ARMC2: variants seen among roughly 807,000 people sequenced by gnomAD.
The protein encoded by ARMC2 is armadillo repeat-containing protein 2.
A neutral mutation model predicts 90.3 loss-of-function variants in ARMC2; 67 were observed. That is an observed-to-expected ratio of 0.74 (90% CI 0.61 to 0.91). The LOEUF (loss-of-function observed/expected upper bound fraction) is 0.91, where lower values mean the gene tolerates loss of function less well. Among genes scored for constraint, ARMC2 ranks in the 40% least tolerant of loss-of-function variants. The pLI is 0.00. For missense variants in ARMC2, 920 were observed against 1,030.9 expected (o/e 0.89, Z 1.47); for synonymous variants, 393 against 393.0 (o/e 1.00, Z 0.00).
At chr6:108,941,334 ACC>A (rs1317779624) in intron 12 of ARMC2, among the ~76,000 whole-genome samples, 1 of 152,106 alleles carries the variant, frequency 6.6e-6, no homozygotes, top group Non-Finnish European at 1.5e-5. Context: ...CATAGCTGAT[ACC>A]CCCAGCTAGT....
At chr6:108,915,145 A>G (rs1207417217) in intron 10 of ARMC2, among the ~76,000 whole-genome samples, 2 of 151,940 alleles carry the variant, frequency 1.3e-5, no homozygotes, top group African/African-American at 4.8e-5. Context: ...TAGTAGAGAC[A>G]GGGTTTCACC....
chr6:109,012,610 T>C, the ARMC2 span, among the ~76,000 whole-genome samples: 5 of 152,176 alleles, frequency 3.3e-5, no homozygotes, highest in Admixed American at 3.3e-4. Context: ...AAAAGACACC[T>C]GAGCTACAGC....
intron 11 of ARMC2, among the ~76,000 whole-genome samples, chr6:108,929,683 A>T (rs1397114124): frequency 6.6e-6 from 1 of 152,098 alleles, no homozygotes; most frequent in East Asian, 1.9e-4. Context: ...AAGTCTTGCT[A>T]TGTTGCCCCG....
chr6:108,859,319 G>A (rs951275777), intron 3 of ARMC2, among the ~76,000 whole-genome samples: 1 of 151,966 alleles, frequency 6.6e-6, no homozygotes, highest in Non-Finnish European at 1.5e-5. Flanking sequence ...TCCTCCTGGG[G>A]AGACGGCTTC....
chr6:108,985,286 C>A, the ARMC2 span, among the ~76,000 whole-genome samples: 15,253 of 152,076 alleles, frequency 0.1, 901 homozygotes, highest in South Asian at 0.19. Context: ...ACGGCCAAAA[C>A]AACTCAAGAT....
At chr6:108,901,243 A>C (rs2128462431) in intron 7 of ARMC2, among the ~76,000 whole-genome samples, 1 of 144,882 alleles carries the variant, frequency 6.9e-6, no homozygotes, top group Non-Finnish European at 1.5e-5. Flanking sequence ...CCTCTTGAGT[A>C]GCTGGGACTA....
chr6:108,995,791 GA>G, the ARMC2 span, among the ~76,000 whole-genome samples: 1 of 151,234 alleles, frequency 6.6e-6, no homozygotes, highest in African/African-American at 2.4e-5. Flanking sequence ...CTCAAAAAGA[GA>G]AAAAAAAGTC....
intron 1 of ARMC2, among the ~76,000 whole-genome samples, chr6:108,850,893 G>A (rs1024018810): frequency 2.0e-5 from 3 of 152,136 alleles, no homozygotes; most frequent in Non-Finnish European, 2.9e-5. Context: ...GAGTCTGGAC[G>A]AGGGGCACTT....
intron 11 of ARMC2, among the ~76,000 whole-genome samples, chr6:108,936,695 T>G (rs1222480459): frequency 3.3e-5 from 5 of 152,224 alleles, no homozygotes; most frequent in African/African-American, 1.2e-4. Context: ...AGTTACCTTT[T>G]AAATTTTTCC....
chr6:108,852,467 A>G (rs549464148), intron 1 of ARMC2, among the ~76,000 whole-genome samples: 114 of 152,344 alleles, frequency 7.5e-4, no homozygotes, highest in Non-Finnish European at 1.1e-3. Context: ...TGTTTCTATC[A>G]GTATAGTATT....
At chr6:108,958,749 C>T (rs1426901960) in intron 13 of ARMC2, among the ~76,000 whole-genome samples, 1 of 152,244 alleles carries the variant, frequency 6.6e-6, no homozygotes, top group African/African-American at 2.4e-5. Context: ...ATGTAATAAG[C>T]ACTTACTTAG....
chr6:108,998,675 A>G, the ARMC2 span: 11 of 1,613,846 alleles, frequency 6.8e-6, no homozygotes, highest in East Asian at 2.2e-4. Context: ...ATGAGGCAAG[A>G]GAATGATAGT....
At chr6:109,011,091 G>T in the ARMC2 span, among the ~76,000 whole-genome samples, 11 of 152,288 alleles carry the variant, frequency 7.2e-5, no homozygotes, top group Admixed American at 1.3e-4. Flanking sequence ...TTGTCTAGTA[G>T]GGCATAATCT....
At chr6:108,899,877 C>G (rs749154635) in intron 7 of ARMC2, 85 bp downstream of exon 7, 35 of 1,000,236 alleles carry the variant, frequency 3.5e-5, no homozygotes, top group Non-Finnish European at 4.9e-5. Flanking sequence ...CCCCATTGCC[C>G]TGATATTTTT....
At chr6:108,959,340 C>T (rs1356581921) in intron 13 of ARMC2, 1 of 152,266 alleles carries the variant, frequency 6.6e-6, no homozygotes, top group African/African-American at 2.4e-5. Context: ...CAAGAACAAG[C>T]ACAGTCCTCT....
chr6:108,893,114 G>C (rs1001216644), intron 5 of ARMC2, among the ~76,000 whole-genome samples: 7 of 152,184 alleles, frequency 4.6e-5, no homozygotes, highest in African/African-American at 1.7e-4. Flanking sequence ...TGGCTAAAGA[G>C]AAGCTGTATC....
rs191819835 is a variant in ARMC2, at chr6:108,886,295, C to A, written c.672-8172C>A. ...ACAGCCAGCCAGGTCCGGTGGCTCA[C>A]GCCTGTAATCCCAGCACTTTGGGAG... On this transcript the variant is annotated intron_variant, in intron 5 of 17. Transcript: ENST00000392644. Among the ~76,000 whole-genome samples the A allele has an allele frequency of 2.6e-5, 4 of 152,312 alleles. No homozygotes were observed. The South Asian group carries it at 6.2e-4, about 24-fold the overall frequency.
intron 3 of ARMC2, among the ~76,000 whole-genome samples, chr6:108,863,082 C>T (rs1775444851): frequency 1.3e-5 from 2 of 152,200 alleles, no homozygotes; most frequent in Admixed American, 6.5e-5. Flanking sequence ...TGCCCTCCAG[C>T]CCGACTTGCC....
intron 12 of ARMC2, among the ~76,000 whole-genome samples, chr6:108,940,409 C>T (rs1396419808): frequency 1.3e-5 from 2 of 152,178 alleles, no homozygotes; most frequent in Non-Finnish European, 2.9e-5. Context: ...TATTAATAGA[C>T]AGGCTTGAGG....
Sources: allele counts gnomAD v4.1 joint callset (sites outside exome capture counted in the v4.1 genomes callset), GRCh38; gene constraint gnomAD v4.1.1; transcripts MANE v1.5; gene names NCBI Gene and HGNC (gene_info 2026-07-23, HGNC 2026-07-21).